The following PDCD6IP variants were observed in gnomAD, a reference collection of about 807,000 sequenced individuals.
PDCD6IP encodes programmed cell death 6 interacting protein, also known as programmed cell death 6-interacting protein.
In PDCD6IP, 43 loss-of-function variants were observed where a neutral mutation model predicts 103.7. That is an observed-to-expected ratio of 0.41 (90% CI 0.32 to 0.53). The LOEUF is 0.53. PDCD6IP is among the 20% of genes least tolerant of loss of function. The probability of loss-of-function intolerance (pLI) is 0.16; values close to 1 mark genes in which losing one functional copy is unlikely to be tolerated. For synonymous variants in PDCD6IP, 354 were observed against 378.7 expected (o/e 0.93, Z 0.76); for missense variants, 871 against 1,036.7 (o/e 0.84, Z 2.20).
At chr3:33,858,666 T>C (rs1247088192) in intron 15 of PDCD6IP, among the ~76,000 whole-genome samples, 1 of 151,822 alleles carries the variant, frequency 6.6e-6, no homozygotes, top group Non-Finnish European at 1.5e-5. Context: ...AAAAACTAGC[T>C]GGGCGTGGTG....
At chr3:33,798,992 C>T in intron 1 of PDCD6IP, 55 bp downstream of exon 1, 1 of 1,386,054 alleles carries the variant, frequency 7.2e-7, no homozygotes, top group Non-Finnish European at 9.8e-7. Context: ...CTCGCCGCTC[C>T]TCTTCCCGTC....
intron 1 of PDCD6IP, 32 bp downstream of exon 1, chr3:33,798,969 C>G: frequency 1.3e-6 from 2 of 1,484,882 alleles, no homozygotes; most frequent in Non-Finnish European, 1.8e-6. Flanking sequence ...GGTAGGTTGT[C>G]TGCCAGCCGT....
chr3:33,859,743 C>T (rs1294440826), intron 15 of PDCD6IP, among the ~76,000 whole-genome samples: 2 of 152,104 alleles, frequency 1.3e-5, no homozygotes, highest in African/African-American at 4.8e-5. Context: ...ATGGTGCAAT[C>T]CTTGTGTTGG....
At chr3:33,858,168 C>T (rs1164409106) in intron 15 of PDCD6IP, among the ~76,000 whole-genome samples, 2 of 152,110 alleles carry the variant, frequency 1.3e-5, no homozygotes, top group African/African-American at 4.8e-5. Context: ...AAGAGACCCA[C>T]TTACAGTAGC....
At chr3:33,843,083 A>C (rs1210746771) in intron 10 of PDCD6IP, among the ~76,000 whole-genome samples, 1 of 152,176 alleles carries the variant, frequency 6.6e-6, no homozygotes, top group Non-Finnish European at 1.5e-5. Flanking sequence ...ACTTTGTGTC[A>C]CACAGATAGT....
At chr3:33,831,567 C>T (rs1697245646) in intron 7 of PDCD6IP, among the ~76,000 whole-genome samples, 1 of 152,002 alleles carries the variant, frequency 6.6e-6, no homozygotes, top group African/African-American at 2.4e-5. Flanking sequence ...TTGAACCTAG[C>T]TAATTATTTT....
intron 15 of PDCD6IP, among the ~76,000 whole-genome samples, chr3:33,858,341 C>T (rs543982994): frequency 6.6e-6 from 1 of 152,220 alleles, no homozygotes; most frequent in South Asian, 2.1e-4. Flanking sequence ...TATGCATCAA[C>T]TGGGCGTGAT....
chr3:33,835,202 A>G, intron 7 of PDCD6IP: 1 of 455,926 alleles, frequency 2.2e-6, no homozygotes, highest in Non-Finnish European at 4.4e-6. Flanking sequence ...AAAAATTCTT[A>G]TTGATGTTGA....
intron 6 of PDCD6IP, chr3:33,827,588 T>G (rs1276700557): frequency 6.6e-6 from 1 of 152,128 alleles, no homozygotes; most frequent in Non-Finnish European, 1.5e-5. Flanking sequence ...AAAAGAGACT[T>G]GGGATCTCCT....
intron 2 of PDCD6IP, chr3:33,813,302 T>G: frequency 3.4e-6 from 1 of 296,996 alleles, no homozygotes; most frequent in Non-Finnish European, 6.2e-6. Context: ...GAAGTCATTG[T>G]GTGTTTATAA....
At chr3:33,824,817 ATTTG>A (rs1258846512) in intron 4 of PDCD6IP, among the ~76,000 whole-genome samples, 2 of 152,156 alleles carry the variant, frequency 1.3e-5, no homozygotes, top group Non-Finnish European at 2.9e-5. Context: ...TGAAAGATGA[ATTTG>A]TTTGGGACCA....
Position 33,836,044 on chromosome 3 carries a change from C to T in PDCD6IP, c.835C>T (p.His279Tyr), listed in dbSNP as rs1658613082. 2 of 1,487,680 alleles carry T rather than the reference C, an allele frequency of 1.3e-6. No individual in the cohort carries two copies. The highest frequency in any genetic ancestry group is 1.8e-4 in the Middle Eastern group (1 of 5,620). The allele number at this position is 1,487,680 out of a possible 1,614,324, so 92.2% of individuals were successfully genotyped here. A position where few individuals can be genotyped will look rare whatever the true frequency, so the allele number is the denominator to read the frequency against. Residue 279 changes from histidine to tyrosine, a missense_variant and splice_region_variant, in exon 8 of 18, where the codon CAT becomes TAT. Physicochemically the swap from His to Tyr is moderately conservative, Grantham distance 83. Around this residue, in one of 5 missense-constraint regions of PDCD6IP, gnomAD observed 242 missense variants for 250.7 expected, o/e 0.97. Coordinates refer to ENST00000307296, the MANE Select transcript of PDCD6IP (RefSeq NM_013374.6). ...KFGEEIARLQ[H>Y]AAELIKTVAS... is the part of the protein sequence containing the mutation. ...TTGTTGTTGACGTTTTTCTTTTTAG[C>T]ATGCAGCAGAACTGATTAAAACAGT...
At chr3:33,810,486 G>A (rs1296143171) in intron 1 of PDCD6IP, among the ~76,000 whole-genome samples, 1 of 152,180 alleles carries the variant, frequency 6.6e-6, no homozygotes, top group Non-Finnish European at 1.5e-5. Context: ...TCTCTAAGGA[G>A]CACTTGGCTC....
chr3:33,853,805 AGATC>A (rs1697770101), intron 13 of PDCD6IP, 70 bp from the exon 14 acceptor site: 1 of 1,169,260 alleles, frequency 8.6e-7, no homozygotes, highest in African/African-American at 1.6e-5. Context: ...TAATTGGAAA[AGATC>A]AATAAAAATG....
chr3:33,855,873 C>T (rs190488268), intron 15 of PDCD6IP, among the ~76,000 whole-genome samples: 1 of 152,162 alleles, frequency 6.6e-6, no homozygotes, highest in Admixed American at 6.5e-5. Flanking sequence ...ACAACAACAA[C>T]AAATGTAAGG....
At chr3:33,848,922 G>T (rs1179557449) in intron 12 of PDCD6IP, among the ~76,000 whole-genome samples, 1 of 152,090 alleles carries the variant, frequency 6.6e-6, no homozygotes, top group Non-Finnish European at 1.5e-5. Context: ...AAAGTCAAAA[G>T]AATGTTTTAA....
At position 33,866,343 on chromosome 3, in the gene PDCD6IP, T is replaced by TCTCC. The variant is rs5847794; in HGVS notation, c.2433-6_2433-5insCCCT. 360,938 of 1,463,772 alleles carry TCTCC rather than the reference T, an allele frequency of 0.25. 47,278 individuals carry two copies. Among genetic ancestry groups the TCTCC allele is most frequent in the Admixed American group, 0.42 (17,110 of 41,064 alleles). The allele number at this position is 1,463,772 out of a possible 1,614,324, so 90.7% of individuals were successfully genotyped here. A position where few individuals can be genotyped will look rare whatever the true frequency, so the allele number is the denominator to read the frequency against. ...ACCAATCAAGATTTTTCTGTTTTCT[T>TCTCC]CTATCAGGTATTGCCAAATGCCCAT... is the stretch of plus-strand genomic sequence containing the variant. On this transcript the variant is annotated splice_region_variant and splice_polypyrimidine_tract_variant and intron_variant, in intron 17 of 17. Transcript: ENST00000307296.
chr3:33,800,119 CAAAAAAAAAAAAA>C (rs1173163869), intron 1 of PDCD6IP, among the ~76,000 whole-genome samples: 1 of 50,890 alleles, frequency 2.0e-5, no homozygotes, highest in Non-Finnish European at 4.1e-5. Context: ...GACTCCATCT[CAAAAAAAAAAAAA>C]AAAAAAAAAA....
intron 7 of PDCD6IP, chr3:33,835,409 T>C (rs1697324600): frequency 9.3e-6 from 4 of 430,268 alleles, no homozygotes; most frequent in Non-Finnish European, 1.9e-5. Context: ...GCTAATTCTT[T>C]GGATGTAGAA....
Sources: gnomAD v4.1 joint callset for allele counts (sites outside exome capture counted in the v4.1 genomes callset) on GRCh38, gnomAD v4.1.1 for gene constraint, gnomAD v4.1.1 regional missense constraint, MANE v1.5 for transcripts, NCBI Gene and HGNC (gene_info 2026-07-23, HGNC 2026-07-21) for gene names.